Variants in AP4E1 observed in about 807,000 individuals in gnomAD.
AP4E1 encodes adaptor related protein complex 4 subunit epsilon 1, also known as AP-4 complex subunit epsilon-1.
AP4E1 carries 56 observed loss-of-function variants against 128.2 expected under a neutral mutation model. The ratio of observed to expected loss-of-function variants is 0.44; its 90% CI spans 0.35 to 0.55. The LOEUF (loss-of-function observed/expected upper bound fraction) is 0.55, where lower values mean the gene tolerates loss of function less well. Ranked by LOEUF, AP4E1 falls within the 20% of genes least tolerant of loss-of-function variation. The pLI, the probability that AP4E1 is intolerant of heterozygous loss-of-function variation, is 0.00. For synonymous variants in AP4E1, 484 were observed against 473.1 expected (o/e 1.02, Z -0.30); for missense variants, 1,324 against 1,307.7 (o/e 1.01, Z -0.19).
At chr15:50,913,254 G>A (rs1173998559) in intron 2 of AP4E1, among the ~76,000 whole-genome samples, 1 of 152,174 alleles carries the variant, frequency 6.6e-6, no homozygotes, top group Non-Finnish European at 1.5e-5. Context: ...GTATGTTTGT[G>A]TGTATACATG....
At chr15:50,981,796 C>T (rs2064645348) in intron 15 of AP4E1, among the ~76,000 whole-genome samples, 1 of 152,034 alleles carries the variant, frequency 6.6e-6, no homozygotes, top group African/African-American at 2.4e-5. Flanking sequence ...ATTAAAAAAG[C>T]AAGTTCGGGC....
At chr15:50,948,181 G>A (rs1280587819) in intron 11 of AP4E1, 22 bp downstream of exon 11, 3 of 1,613,232 alleles carry the variant, frequency 1.9e-6, no homozygotes, top group Non-Finnish European at 1.7e-6. Flanking sequence ...TTTCGACCAT[G>A]AGTCTTAAAA....
At chr15:50,927,495 G>A (rs946692560) in intron 5 of AP4E1, among the ~76,000 whole-genome samples, 2 of 148,976 alleles carry the variant, frequency 1.3e-5, no homozygotes, top group Non-Finnish European at 3.0e-5. Context: ...CCAGGCCTGT[G>A]AACTCCTGGG....
chr15:50,912,947 G>C (rs2063582489), intron 2 of AP4E1, among the ~76,000 whole-genome samples: 1 of 152,104 alleles, frequency 6.6e-6, no homozygotes, highest in South Asian at 2.1e-4. Flanking sequence ...AGGATTACAG[G>C]TGTGAGCCAC....
At chr15:50,975,318 T>G (rs2064537034) in intron 15 of AP4E1, among the ~76,000 whole-genome samples, 1 of 152,174 alleles carries the variant, frequency 6.6e-6, no homozygotes, top group Non-Finnish European at 1.5e-5. Context: ...GGCAGGAGAA[T>G]CACTTGAACC....
chr15:50,957,117 G>A (rs1322104537), intron 13 of AP4E1, among the ~76,000 whole-genome samples: 2 of 152,130 alleles, frequency 1.3e-5, no homozygotes, highest in African/African-American at 4.8e-5. Context: ...CAGCTCAGTG[G>A]GCCCTTTTGT....
intron 4 of AP4E1, among the ~76,000 whole-genome samples, 180 bp from the exon 5 acceptor site, chr15:50,924,918 C>G (rs1213968317): frequency 6.6e-6 from 1 of 152,144 alleles, no homozygotes; most frequent in African/African-American, 2.4e-5. Context: ...TCTACTGACT[C>G]TATTAAGGCA....
In AP4E1 at chr15:50,929,062, C is replaced by G. The variant is rs1241794458; in HGVS notation, c.596C>G (p.Ala199Gly). The change falls in exon 6 of 21, where the codon GCT (alanine) becomes GGT (glycine). Residue 199 changes from alanine to glycine, a missense_variant. By Grantham distance (60) the Ala-to-Gly change is moderately conservative (BLOSUM62 0). Transcript: ENST00000261842. The stretch of plus-strand genomic sequence containing the variant: ...GCATTATACAAATTCCATCTCATTG[C>G]TCCTAATCAAGTACAACATATTCAT... ...VLALYKFHLI[A>G]PNQVQHIHIK... The G allele has an allele frequency of 3.1e-6, 5 of 1,613,680 alleles. No individual in the cohort carries two copies. Among genetic ancestry groups the G allele is most frequent in the African/African-American group, 1.3e-5 (1 of 74,880 alleles).
chr15:51,001,971 C>T (rs539378198), intron 20 of AP4E1, among the ~76,000 whole-genome samples: 15 of 152,186 alleles, frequency 9.9e-5, no homozygotes, highest in Non-Finnish European at 1.5e-4. Flanking sequence ...CTCCACCTTC[C>T]GTGTTCAAGC....
Position 50,974,266 on chromosome 15 carries a change from A to ATTT in AP4E1, c.1966+5905_1966+5907dup, listed in dbSNP as rs958466492. ...CAGGTATGAGCCACTGTGCCCGGCC[A>ATTT]TTTTTTTTTTTTTTTTTTGAGACAG... On this transcript the variant is annotated intron_variant, in intron 15 of 20. Coordinates refer to ENST00000261842, the MANE Select transcript of AP4E1 (RefSeq NM_007347.5). 1.4e-3 allele frequency among the ~76,000 whole-genome samples: 159 copies of ATTT among 112,576 alleles called. 1 individual carries two copies. The highest frequency in any genetic ancestry group is 2.4e-3 in the Non-Finnish European group (126 of 52,964). The allele number at this position is 112,576 out of a possible 152,430, so 73.9% of individuals were successfully genotyped here.
At chr15:51,001,519 C>T (rs1254934529) in intron 20 of AP4E1, among the ~76,000 whole-genome samples, 1 of 152,186 alleles carries the variant, frequency 6.6e-6, no homozygotes, top group Non-Finnish European at 1.5e-5. Flanking sequence ...CCGCCTTTCC[C>T]CTTCCTCTCC....
intron 6 of AP4E1, among the ~76,000 whole-genome samples, chr15:50,929,871 C>A (rs1302007872): frequency 6.6e-6 from 1 of 151,390 alleles, no homozygotes; most frequent in African/African-American, 2.4e-5. Flanking sequence ...GCTTTATTTC[C>A]CTTCCAAAAA....
rs111932374 is a variant in AP4E1 at position 50,958,935 on chromosome 15, A to G, written c.1851+141A>G. 4.6e-4 allele frequency: 423 copies of G among 919,790 alleles called. 1 individual carries two copies. In the African/African-American group the frequency reaches 5.5e-3, roughly 12 times the overall value. 57.0% of individuals were successfully genotyped at this position (919,790 alleles called of 1,614,324 possible). A position where few individuals can be genotyped will look rare whatever the true frequency, so the allele number is the denominator to read the frequency against. On this transcript the variant is annotated intron_variant, in intron 14 of 20. Coordinates refer to ENST00000261842, the MANE Select transcript of AP4E1 (RefSeq NM_007347.5). ...GAATGTTGGAGTTCCTTTTCACATT[A>G]GTATGACAGGGAATCTGAAAGCTCC...
intron 6 of AP4E1, among the ~76,000 whole-genome samples, chr15:50,929,538 T>TATA (rs1385885427): frequency 1.3e-5 from 2 of 152,134 alleles, no homozygotes; most frequent in African/African-American, 4.8e-5. Context: ...TTGTGCAAGC[T>TATA]ATAGATTGTA....
In AP4E1 at chr15:50,920,145, G is replaced by A. The variant is rs552243733; in HGVS notation, c.347-3786G>A. ...TTTTTTTTTTTTGAGACGGAGTCTC[G>A]CTCTTTCGCCCAGGCCAGAGTGCAG... On this transcript the variant is annotated intron_variant, in intron 3 of 20. Coordinates refer to ENST00000261842, the MANE Select transcript of AP4E1 (RefSeq NM_007347.5). Among the ~76,000 whole-genome samples the A allele has an allele frequency of 4.7e-3, 512 of 109,570 alleles. 3 individuals are homozygous for A. Among genetic ancestry groups the A allele is most frequent in the African/African-American group, 0.017 (486 of 27,834 alleles). The allele number at this position is 109,570 out of a possible 152,430, so 71.9% of individuals were successfully genotyped here. A position where few individuals can be genotyped will look rare whatever the true frequency, so the allele number is the denominator to read the frequency against.
chr15:50,911,931 G>C (rs1442752206), intron 1 of AP4E1, 147 bp from the exon 2 acceptor site: 1 of 710,568 alleles, frequency 1.4e-6, no homozygotes, highest in Non-Finnish European at 2.4e-6. Flanking sequence ...TAGATAGATC[G>C]TAAGCAGATA....
intron 7 of AP4E1, among the ~76,000 whole-genome samples, chr15:50,932,629 A>C (rs2141161033): frequency 6.6e-6 from 1 of 152,254 alleles, no homozygotes; most frequent in Non-Finnish European, 1.5e-5. Flanking sequence ...GTACCTTTGT[A>C]TTCTAATGTT....
At chr15:50,955,167 C>T (rs1459976114) in intron 13 of AP4E1, among the ~76,000 whole-genome samples, 3 of 152,130 alleles carry the variant, frequency 2.0e-5, no homozygotes, top group Admixed American at 6.6e-5. Context: ...TTTATAACAC[C>T]GTGATTTATA....
At chr15:50,915,629 T>C (rs890179827) in intron 3 of AP4E1, 58 bp downstream of exon 3, 32 of 1,560,386 alleles carry the variant, frequency 2.1e-5, no homozygotes, top group Non-Finnish European at 2.6e-5. Context: ...TTGCATCTAT[T>C]ATACAAAATG....
Sources: gnomAD v4.1 joint callset for allele counts (sites outside exome capture counted in the v4.1 genomes callset) on GRCh38, gnomAD v4.1.1 for gene constraint, MANE v1.5 for transcripts, NCBI Gene and HGNC (gene_info 2026-07-23, HGNC 2026-07-21) for gene names.